STRN3: variants seen among roughly 807,000 people sequenced by gnomAD.
STRN3 encodes striatin-3.
In STRN3, 29 loss-of-function variants were observed where a neutral mutation model predicts 95.6. The ratio of observed to expected loss-of-function variants is 0.30; its 90% confidence interval spans 0.23 to 0.41. The LOEUF (loss-of-function observed/expected upper bound fraction) is 0.41, where lower values mean the gene tolerates loss of function less well. Among genes scored for constraint, STRN3 ranks in the 10% least tolerant of loss-of-function variants. STRN3 has a pLI of 1.00. For missense variants in STRN3, 890 were observed against 972.1 expected (o/e 0.92, Z 1.12); for synonymous variants, 331 against 357.6 (o/e 0.93, Z 0.84).
chr14:30,990,166 CT>C (rs34799735), intron 1 of STRN3, among the ~76,000 whole-genome samples: 2,431 of 142,588 alleles, frequency 0.017, 70 homozygotes, highest in African/African-American at 0.051. Context: ...GGCACTATGA[CT>C]TTTTTTTTTT....
At chr14:30,906,798 T>G in intron 14 of STRN3, 79 bp downstream of exon 14, 1 of 1,358,556 alleles carries the variant, frequency 7.4e-7, no homozygotes, top group East Asian at 2.4e-5. Context: ...AGTAAAGAAA[T>G]ACATCAATTA....
chr14:30,937,768 T>G (rs1029743939), intron 5 of STRN3, among the ~76,000 whole-genome samples: 1 of 152,204 alleles, frequency 6.6e-6, no homozygotes, highest in African/African-American at 2.4e-5. Context: ...TCAAATGTTT[T>G]TAAATGTCTT....
intron 1 of STRN3, among the ~76,000 whole-genome samples, chr14:31,002,512 G>A (rs894392027): frequency 2.7e-5 from 4 of 150,566 alleles, no homozygotes; most frequent in Non-Finnish European, 4.4e-5. Flanking sequence ...TCACAGTGGC[G>A]GGCGCCTGTA....
Position 31,009,328 on chromosome 14 carries a change from AT to A in STRN3, c.282+16575del, listed in dbSNP as rs553354825. 4.3e-4 allele frequency among the ~76,000 whole-genome samples: 66 copies of A among 152,242 alleles called. 1 individual carries two copies. In the East Asian group the frequency reaches 0.011, roughly 25 times the overall value. Reference sequence around the variant, plus strand: ...TATTAACATTTTGGGCTAATATTTTATTTGGGACATGGAGGGCTGTCCCGTG... The same window carrying A: ...TATTAACATTTTGGGCTAATATTTTATTGGGACATGGAGGGCTGTCCCGTG... On this transcript the variant is annotated intron_variant, in intron 1 of 17. Coordinates refer to ENST00000357479, the MANE Select transcript of STRN3 (RefSeq NM_001083893.2).
intron 1 of STRN3, among the ~76,000 whole-genome samples, chr14:30,992,977 C>T (rs1296275068): frequency 6.6e-6 from 1 of 152,130 alleles, no homozygotes; most frequent in Non-Finnish European, 1.5e-5. Flanking sequence ...GGTGGGTGTG[C>T]CATTGTTCCC....
chr14:30,972,763 G>A (rs973266343), intron 1 of STRN3, among the ~76,000 whole-genome samples: 9 of 152,210 alleles, frequency 5.9e-5, no homozygotes, highest in East Asian at 5.8e-4. Flanking sequence ...CTATGATTGC[G>A]CCACTGCACT....
chr14:30,898,463 C>T (rs886452907), intron 16 of STRN3, among the ~76,000 whole-genome samples: 2 of 152,212 alleles, frequency 1.3e-5, no homozygotes, highest in Non-Finnish European at 2.9e-5. Flanking sequence ...TAAACTAACC[C>T]TCACCCTGAT....
chr14:30,943,510 G>A (rs1879192848), intron 5 of STRN3, among the ~76,000 whole-genome samples: 1 of 152,152 alleles, frequency 6.6e-6, no homozygotes, highest in South Asian at 2.1e-4. Context: ...TGAAGTGGGA[G>A]GATTGCTTGA....
chr14:31,007,925 G>C (rs942048100), intron 1 of STRN3, among the ~76,000 whole-genome samples: 1 of 152,088 alleles, frequency 6.6e-6, no homozygotes, highest in Non-Finnish European at 1.5e-5. Context: ...TGGCGTGGTG[G>C]CTCACACCTG....
chr14:30,908,121 TACCA>T (rs1416602753), intron 13 of STRN3, among the ~76,000 whole-genome samples: 2 of 152,118 alleles, frequency 1.3e-5, no homozygotes, highest in African/African-American at 4.8e-5. Context: ...CAAAGGCTAA[TACCA>T]GATGTCACTA....
intron 7 of STRN3, among the ~76,000 whole-genome samples, chr14:30,932,688 T>A (rs1159498702): frequency 6.6e-6 from 1 of 152,154 alleles, no homozygotes; most frequent in Non-Finnish European, 1.5e-5. Flanking sequence ...CCATCAAAAG[T>A]CTTCAGACAG....
At chr14:30,970,389 T>C (rs1053003786) in intron 1 of STRN3, among the ~76,000 whole-genome samples, 1 of 152,226 alleles carries the variant, frequency 6.6e-6, no homozygotes, top group Admixed American at 6.5e-5. Context: ...AGAGCAAGGA[T>C]AGACTGCCCC....
At chr14:31,004,144 G>C (rs1356482177) in intron 1 of STRN3, among the ~76,000 whole-genome samples, 2 of 152,032 alleles carry the variant, frequency 1.3e-5, no homozygotes, top group African/African-American at 4.8e-5. Context: ...AATTAGCCGG[G>C]TGTGATGGCA....
intron 1 of STRN3, among the ~76,000 whole-genome samples, chr14:30,956,661 T>C (rs1879920603): frequency 2.0e-5 from 3 of 152,128 alleles, no homozygotes; most frequent in Admixed American, 1.3e-4. Flanking sequence ...AATTAGCTAG[T>C]TTATAATCCT....
intron 8 of STRN3, among the ~76,000 whole-genome samples, chr14:30,927,358 CTTTT>C (rs959029492): frequency 2.6e-5 from 4 of 151,504 alleles, no homozygotes; most frequent in South Asian, 2.1e-4. Context: ...CTTAAACATA[CTTTT>C]TTTAATTAAA....
At chr14:30,909,374 A>G (rs1353283685) in intron 13 of STRN3, among the ~76,000 whole-genome samples, 1 of 117,948 alleles carries the variant, frequency 8.5e-6, no homozygotes, top group Non-Finnish European at 1.8e-5. Flanking sequence ...GGTGGCTCAC[A>G]CCTGTGGTCC....
At chr14:30,901,170 G>C (rs1896303476) in intron 16 of STRN3, among the ~76,000 whole-genome samples, 1 of 152,056 alleles carries the variant, frequency 6.6e-6, no homozygotes, top group Admixed American at 6.5e-5. Context: ...GCCAGGAGCA[G>C]TGGCTCATGC....
At chr14:30,973,363 A>C (rs1404086161) in intron 1 of STRN3, among the ~76,000 whole-genome samples, 1 of 146,032 alleles carries the variant, frequency 6.8e-6, no homozygotes, top group East Asian at 2.1e-4. Flanking sequence ...GGGGACAGAG[A>C]GGGAGAGGGG....
intron 13 of STRN3, among the ~76,000 whole-genome samples, chr14:30,909,114 A>C (rs9671651): frequency 6.6e-6 from 1 of 152,192 alleles, no homozygotes; most frequent in African/African-American, 2.4e-5. Context: ...GATGGCTGTA[A>C]AACTTTGTGA....
Sources: allele counts gnomAD v4.1 joint callset (sites outside exome capture counted in the v4.1 genomes callset), GRCh38; gene constraint gnomAD v4.1.1; transcripts MANE v1.5; gene names NCBI Gene and HGNC (gene_info 2026-07-23, HGNC 2026-07-21).